PHF6: variants seen among roughly 807,000 people sequenced by gnomAD.
PHF6 encodes the protein PHD finger protein 6.
PHF6 carries 7 observed loss-of-function variants against 34.0 expected under a neutral mutation model. The observed-to-expected ratio is 0.21, with a 90% CI of 0.12 to 0.39. The LOEUF is 0.39. Among genes scored for constraint, PHF6 ranks in the 10% least tolerant of loss-of-function variants. The pLI, the probability that PHF6 is intolerant of heterozygous loss-of-function variation, is 1.00. For missense variants in PHF6, 128 were observed against 262.8 expected, an observed-to-expected ratio of 0.49 and a Z score of 3.55; for synonymous variants, 89 against 88.4, an observed-to-expected ratio of 1.01 and a Z score of -0.04.
At chrX:134,405,184 T>C (rs1464165240) in intron 5 of PHF6, among the ~76,000 whole-genome samples, 2 of 111,785 alleles carry the variant, frequency 1.8e-5, no homozygotes, top group African/African-American at 3.3e-5. Flanking sequence ...TATTGTGGTC[T>C]TCGCACCATG....
At position 134,394,023 on chromosome X, in the gene PHF6, A is replaced by T. The variant is rs868289400; in HGVS notation, c.418+71A>T. Reference sequence around the variant, plus strand: ...AAATTTGAGTACAGATTAGTGAATTATACTATATTAATTTTAACCATAAGA... The same window carrying T: ...AAATTTGAGTACAGATTAGTGAATTTTACTATATTAATTTTAACCATAAGA... On this transcript the variant is annotated intron_variant, in intron 5 of 10. Coordinates refer to ENST00000370803, the MANE Select transcript of PHF6 (RefSeq NM_001015877.2). The T allele has an allele frequency of 1.1e-5, 10 of 933,131 alleles. No individual in the cohort carries two copies. In the Middle Eastern group the frequency reaches 2.1e-3, roughly 200 times the overall value. 76.9% of individuals were successfully genotyped at this position (933,131 alleles called of 1,213,427 possible). A position where few individuals can be genotyped will look rare whatever the true frequency, so the allele number is the denominator to read the frequency against.
At chrX:134,408,291 CA>C (rs1236108666) in intron 5 of PHF6, among the ~76,000 whole-genome samples, 5 of 112,186 alleles carry the variant, frequency 4.5e-5, no homozygotes, top group Non-Finnish European at 9.4e-5. Context: ...AATAATACTG[CA>C]ACAATTTCCC....
In PHF6 at chrX:134,377,560, T is replaced by C; in HGVS notation, c.-46-12T>C. ...ATAAAATTAACATTGTCGCCCTTCT[T>C]ATTCTCTGTAGCATTTCTTGAGACT... is the stretch of plus-strand genomic sequence containing the variant. On this transcript the variant is annotated splice_polypyrimidine_tract_variant and intron_variant, in intron 1 of 10. Coordinates refer to ENST00000370803, the MANE Select transcript of PHF6 (RefSeq NM_001015877.2). 3 of 1,116,068 alleles carry C rather than the reference T, an allele frequency of 2.7e-6. No individual in the cohort carries two copies. The highest frequency in any genetic ancestry group is 3.6e-6 in the Non-Finnish European group (3 of 824,839). The allele number at this position is 1,116,068 out of a possible 1,213,427, so 92.0% of individuals were successfully genotyped here.
At chrX:134,379,973 C>G (rs1053831158) in intron 3 of PHF6, among the ~76,000 whole-genome samples, 1 of 111,287 alleles carries the variant, frequency 9.0e-6, no homozygotes, top group Non-Finnish European at 1.9e-5. Context: ...TTTCTGTATC[C>G]TGACTTGTTA....
chrX:134,397,023 A>G (rs1265523328), intron 5 of PHF6, among the ~76,000 whole-genome samples: 2 of 111,843 alleles, frequency 1.8e-5, no homozygotes, highest in Non-Finnish European at 3.8e-5. Context: ...AATGCTATTA[A>G]TATATAATTC....
chrX:134,408,245 A>C (rs1196259254), intron 5 of PHF6, among the ~76,000 whole-genome samples: 1 of 112,608 alleles, frequency 8.9e-6, no homozygotes, highest in African/African-American at 3.2e-5. Context: ...TTTATCTATT[A>C]ATAAAATTGG....
chrX:134,409,001 A>C (rs1233578816), intron 5 of PHF6, among the ~76,000 whole-genome samples: 1 of 112,169 alleles, frequency 8.9e-6, no homozygotes, highest in Non-Finnish European at 1.9e-5. Flanking sequence ...GGCCTGAGCT[A>C]CCGCACCGGC....
At chrX:134,402,061 T>C (rs1236651565) in intron 5 of PHF6, among the ~76,000 whole-genome samples, 1 of 111,729 alleles carries the variant, frequency 9.0e-6, no homozygotes. Context: ...AGTGGCACGA[T>C]CTCAGCTCAC....
chrX:134,380,849 TTTTG>T (rs898843239), intron 3 of PHF6, among the ~76,000 whole-genome samples: 1 of 110,871 alleles, frequency 9.0e-6, no homozygotes, highest in Non-Finnish European at 1.9e-5. Flanking sequence ...CACTTATTGT[TTTTG>T]TTTGTTTTTG....
At chrX:134,386,600 G>A (rs902746026) in intron 3 of PHF6, among the ~76,000 whole-genome samples, 2 of 110,468 alleles carry the variant, frequency 1.8e-5, no homozygotes, top group East Asian at 2.9e-4. Flanking sequence ...TAGTACAGAC[G>A]GGGTTGGGAG....
At chrX:134,382,811 G>A (rs899205943) in intron 3 of PHF6, among the ~76,000 whole-genome samples, 2 of 110,044 alleles carry the variant, frequency 1.8e-5, no homozygotes, top group South Asian at 3.9e-4. Flanking sequence ...CAGGTGATCC[G>A]CCTGCCTCTG....
At chrX:134,415,276 T>C in intron 8 of PHF6, 156 bp downstream of exon 8, 1 of 926,472 alleles carries the variant, frequency 1.1e-6, no homozygotes, top group Non-Finnish European at 1.5e-6. Context: ...TAATAAAGGA[T>C]GCTGATGTTA....
intron 5 of PHF6, among the ~76,000 whole-genome samples, 173 bp downstream of exon 5, chrX:134,394,125 C>G (rs1265952024): frequency 9.1e-6 from 1 of 110,097 alleles, no homozygotes. Flanking sequence ...TGAAAAAGAT[C>G]TGAACTTCTT....
Position 134,410,279 on chromosome X carries a change from T to C in PHF6, c.419-3212T>C, listed in dbSNP as rs910058774. Among the ~76,000 whole-genome samples, 3 of 112,091 alleles carry C rather than the reference T, an allele frequency of 2.7e-5. No homozygotes were observed. In the East Asian group the frequency reaches 8.4e-4, roughly 31 times the overall value. ...CCAACAGTGTATAAACATTCCCTTT[T>C]CTCCACAGCCTCACTAGCATCTATT... On this transcript the variant is annotated intron_variant, in intron 5 of 10. Coordinates refer to ENST00000370803, the MANE Select transcript of PHF6 (RefSeq NM_001015877.2).
At chrX:134,380,185 C>T (rs1473293498) in intron 3 of PHF6, among the ~76,000 whole-genome samples, 5 of 99,679 alleles carry the variant, frequency 5.0e-5, no homozygotes, top group African/African-American at 1.9e-4. Flanking sequence ...CTCGCTCTGT[C>T]GCCCAGGCTG....
At chrX:134,406,739 T>C (rs999435972) in intron 5 of PHF6, among the ~76,000 whole-genome samples, 1 of 112,247 alleles carries the variant, frequency 8.9e-6, no homozygotes, top group African/African-American at 3.2e-5. Context: ...AACCCTATTT[T>C]GTCGCCTGCC....
At chrX:134,388,041 G>A (rs191167671) in intron 3 of PHF6, among the ~76,000 whole-genome samples, 1 of 111,636 alleles carries the variant, frequency 9.0e-6, no homozygotes, top group East Asian at 2.8e-4. Context: ...TTATGAGTTC[G>A]TATTCCACCC....
chrX:134,393,658 G>A, intron 4 of PHF6, 24 bp downstream of exon 4: 2 of 1,048,029 alleles, frequency 1.9e-6, no homozygotes, highest in East Asian at 3.4e-5. Flanking sequence ...TTCTCTTTAA[G>A]TTTTTTTTTT....
chrX:134,422,095 AT>A (rs965850194), intron 9 of PHF6, among the ~76,000 whole-genome samples: 2 of 109,481 alleles, frequency 1.8e-5, no homozygotes, highest in African/African-American at 6.7e-5. Context: ...TACCCGGCTA[AT>A]TTTTTTTGTG....
Sources: gnomAD v4.1 joint callset for allele counts (sites outside exome capture counted in the v4.1 genomes callset) on GRCh38, gnomAD v4.1.1 for gene constraint, MANE v1.5 for transcripts, NCBI Gene and HGNC (gene_info 2026-07-23, HGNC 2026-07-21) for gene names.